The following PLXNA4 variants were observed in gnomAD, a reference collection of about 807,000 sequenced individuals.
PLXNA4 encodes the protein plexin A4, also known as plexin-A4.
PLXNA4 carries 44 observed loss-of-function variants against 191.8 expected under a neutral mutation model. That is an observed-to-expected ratio of 0.23 (90% CI 0.18 to 0.29). The LOEUF (loss-of-function observed/expected upper bound fraction) is 0.29. Ranked by LOEUF, PLXNA4 falls within the 10% of genes least tolerant of loss-of-function variation. The pLI is 1.00. For missense variants in PLXNA4, 1,800 were observed against 2,488.8 expected (o/e 0.72, Z 5.89); for synonymous variants, 1,082 against 1,009.5 (o/e 1.07, Z -1.36).
At chr7:132,204,578 A>T (rs191471763) in intron 10 of PLXNA4, among the ~76,000 whole-genome samples, 1 of 152,118 alleles carries the variant, frequency 6.6e-6, no homozygotes, top group East Asian at 1.9e-4. Context: ...AATTTGAATT[A>T]AAAATTTGGA....
At chr7:132,431,105 GTCA>G (rs1383013989) in intron 3 of PLXNA4, among the ~76,000 whole-genome samples, 1 of 152,190 alleles carries the variant, frequency 6.6e-6, no homozygotes, top group Non-Finnish European at 1.5e-5. Context: ...ATAAAATGGA[GTCA>G]TCATCTCACA....
intron 3 of PLXNA4, among the ~76,000 whole-genome samples, chr7:132,422,091 G>C (rs1190553128): frequency 6.6e-6 from 1 of 152,334 alleles, no homozygotes; most frequent in East Asian, 1.9e-4. Context: ...CTCTGGGAAT[G>C]ATTTGCTCAG....
chr7:132,582,714 G>A (rs1802426778), intron 2 of PLXNA4, among the ~76,000 whole-genome samples: 2 of 152,204 alleles, frequency 1.3e-5, no homozygotes, highest in South Asian at 4.1e-4. Flanking sequence ...AGACATCATG[G>A]AGCAGAGATA....
chr7:132,261,332 C>G (rs148414962), intron 4 of PLXNA4, among the ~76,000 whole-genome samples: 1 of 152,156 alleles, frequency 6.6e-6, no homozygotes, highest in African/African-American at 2.4e-5. Flanking sequence ...AATTTGGCAA[C>G]GGACACGAAC....
intron 2 of PLXNA4, among the ~76,000 whole-genome samples, chr7:132,500,367 C>T (rs1798195152): frequency 6.6e-6 from 1 of 151,738 alleles, no homozygotes; most frequent in African/African-American, 2.4e-5. Flanking sequence ...CGCTTGAACC[C>T]GGGAAGCATG....
chr7:132,146,825 G>A (rs775606731), intron 27 of PLXNA4, 125 bp from the exon 28 acceptor site: 13 of 1,506,292 alleles, frequency 8.6e-6, no homozygotes, highest in Non-Finnish European at 1.2e-5. Context: ...ATTGGTCGGT[G>A]CTGTCACCTT....
intron 20 of PLXNA4, among the ~76,000 whole-genome samples, chr7:132,178,843 TATACACACAC>T: frequency 2.4e-5 from 1 of 42,530 alleles, no homozygotes; most frequent in Non-Finnish European, 4.1e-5. Flanking sequence ...CATACACATA[TATACACACAC>T]ACACACACAC....
chr7:132,226,133 G>A (rs1391030793), intron 8 of PLXNA4, 28 bp downstream of exon 8: 1 of 1,588,790 alleles, frequency 6.3e-7, no homozygotes, highest in African/African-American at 1.3e-5. Context: ...CCCAGGAACG[G>A]GAAGTGGGTA....
chr7:132,637,379 C>T (rs1250859864), intron 2 of PLXNA4, among the ~76,000 whole-genome samples: 2 of 152,176 alleles, frequency 1.3e-5, no homozygotes, highest in Non-Finnish European at 2.9e-5. Context: ...GACAAAGAGA[C>T]CAGAGCAGGG....
At chr7:132,513,051 C>T (rs1157791055) in intron 1 of PLXNA4, among the ~76,000 whole-genome samples, 1 of 152,200 alleles carries the variant, frequency 6.6e-6, no homozygotes, top group Non-Finnish European at 1.5e-5. Flanking sequence ...AAACATGCTA[C>T]AGTTTTCCCT....
Position 132,202,640 on chromosome 7 carries a change from G to T in PLXNA4, c.2586+6C>A. The T allele has an allele frequency of 2.7e-6, 4 of 1,483,062 alleles. No homozygotes were observed. Among genetic ancestry groups the T allele is most frequent in the Non-Finnish European group, 3.6e-6 (4 of 1,110,672 alleles). The allele number at this position is 1,483,062 out of a possible 1,614,324, so 91.9% of individuals were successfully genotyped here. A position where few individuals can be genotyped will look rare whatever the true frequency, so the allele number is the denominator to read the frequency against. On this transcript the variant is annotated splice_donor_region_variant and intron_variant, in intron 12 of 31. Coordinates refer to ENST00000321063, the MANE Select transcript of PLXNA4 (RefSeq NM_020911.2). ...ATTTGGAGCAGGAGGCCCGACCCCG[G>T]CTTACCTCTGTGATGCGGGGGTTTG...
At chr7:132,411,174 T>C (rs1794444716) in intron 3 of PLXNA4, among the ~76,000 whole-genome samples, 1 of 152,216 alleles carries the variant, frequency 6.6e-6, no homozygotes, top group African/African-American at 2.4e-5. Context: ...ATTAATGAGT[T>C]GCTCCATGTG....
chr7:132,571,482 T>A (rs560289396), intron 1 of PLXNA4, among the ~76,000 whole-genome samples: 1 of 152,268 alleles, frequency 6.6e-6, no homozygotes, highest in African/African-American at 2.4e-5. Flanking sequence ...TCCCTGCTTC[T>A]GGATCCTGAA....
chr7:132,237,215 G>T (rs1223553222), intron 5 of PLXNA4, among the ~76,000 whole-genome samples: 1 of 152,092 alleles, frequency 6.6e-6, no homozygotes, highest in Non-Finnish European at 1.5e-5. Context: ...ACTTATCCAG[G>T]ACCGGATTTT....
In PLXNA4 at chr7:132,614,088, T is replaced by G. The variant is rs188959818; in HGVS notation, c.-87+31840A>C. 1.5e-3 allele frequency among the ~76,000 whole-genome samples: 235 copies of G among 152,338 alleles called. 3 individuals carry two copies. The East Asian group carries it at 0.03, about 19-fold the overall frequency. On this transcript the variant is annotated intron_variant, in intron 2 of 4. Coordinates refer to the PLXNA4 transcript ENST00000378539. ...TTCACCCAGTGCTATCCTGTAGAAATGTAATGTGAGTCACATTTTTCTAGT... is the reference window on the plus strand; with the variant it reads ...TTCACCCAGTGCTATCCTGTAGAAAGGTAATGTGAGTCACATTTTTCTAGT...
rs181100400 is a variant in PLXNA4 at position 132,538,395 on chromosome 7, A to C, written c.-86-29616T>G. Among the ~76,000 whole-genome samples, 11 of 152,348 alleles carry C rather than the reference A, an allele frequency of 7.2e-5. No individual in the cohort carries two copies. The East Asian group carries it at 1.9e-3, about 27-fold the overall frequency. On this transcript the variant is annotated intron_variant, in intron 1 of 31. Coordinates refer to ENST00000321063, the MANE Select transcript of PLXNA4 (RefSeq NM_020911.2). The stretch of plus-strand genomic sequence containing the variant: ...TCACAGGAAGGGAATACCTGCTTCC[A>C]GGCAAGGTGAATGGAACTGAAGTGT...
chr7:132,197,372 C>G (rs933146234), intron 13 of PLXNA4, among the ~76,000 whole-genome samples: 5 of 152,172 alleles, frequency 3.3e-5, no homozygotes, highest in African/African-American at 4.8e-5. Context: ...CATTCTTTTT[C>G]TGGGTCCTCT....
At chr7:132,156,131 G>GACACAC (rs1224544237) in intron 25 of PLXNA4, among the ~76,000 whole-genome samples, 4 of 74,546 alleles carry the variant, frequency 5.4e-5, no homozygotes, top group Non-Finnish European at 7.5e-5. Context: ...TCTGTTTCTG[G>GACACAC]ACATACACAC....
rs73723749 is a variant in PLXNA4 at position 132,224,503 on chromosome 7, A to G, written c.1983-862T>C. The stretch of plus-strand genomic sequence containing the variant: ...TCCTCTACTAGTCTGTAGGCCATCA[A>G]CTCCTGGAGGGTAAGGATTGAGTCT... On this transcript the variant is annotated intron_variant, in intron 8 of 31. Transcript: ENST00000321063. Among the ~76,000 whole-genome samples the G allele has an allele frequency of 8.2e-3, 1,248 of 151,778 alleles. 22 individuals carry two copies. Among genetic ancestry groups the G allele is most frequent in the African/African-American group, 0.028 (1,175 of 41,354 alleles).
Sources: gnomAD v4.1 joint callset for allele counts (sites outside exome capture counted in the v4.1 genomes callset) on GRCh38, gnomAD v4.1.1 for gene constraint, MANE v1.5 for transcripts, NCBI Gene and HGNC (gene_info 2026-07-23, HGNC 2026-07-21) for gene names.